GALNT18: variants seen among roughly 807,000 people sequenced by gnomAD.
The protein encoded by GALNT18 is polypeptide N-acetylgalactosaminyltransferase 18, also known as GalNAc-transferase 18.
Under a neutral mutation model 69.5 loss-of-function variants are expected in GALNT18, and 44 were observed. The observed-to-expected ratio is 0.63, with a 90% confidence interval of 0.50 to 0.81. The LOEUF is 0.81. GALNT18 is among the 40% of genes least tolerant of loss of function. GALNT18 has a pLI of 0.00. For missense variants in GALNT18, 715 were observed against 810.0 expected (o/e 0.88, Z 1.42); for synonymous variants, 364 against 318.2 (o/e 1.14, Z -1.53).
At chr11:11,559,110 T>C (rs548037705) in intron 1 of GALNT18, among the ~76,000 whole-genome samples, 7 of 152,362 alleles carry the variant, frequency 4.6e-5, no homozygotes, top group South Asian at 2.1e-4. Context: ...TTAGTTAATA[T>C]ACGTGAAATT....
At chr11:11,335,860 T>C (rs1428294170) in intron 7 of GALNT18, among the ~76,000 whole-genome samples, 1 of 152,082 alleles carries the variant, frequency 6.6e-6, no homozygotes, top group Non-Finnish European at 1.5e-5. Context: ...GGAAGGACTC[T>C]CCCCTCGAGA....
chr11:11,351,253 T>C (rs1850395979), intron 6 of GALNT18, among the ~76,000 whole-genome samples: 5 of 152,130 alleles, frequency 3.3e-5, no homozygotes, highest in Admixed American at 3.3e-4. Flanking sequence ...CGGGCTGCTG[T>C]GAGAGTTTGG....
rs749933464 is a variant in GALNT18, at chr11:11,413,321, T to G, written c.595+19300A>C. On this transcript the variant is annotated intron_variant, in intron 3 of 10. Transcript: ENST00000227756. This position sits in a 1 kb window ranked among gnomAD's most constrained non-coding sequence, Gnocchi z 4.7. ...CTGAGTGGCCCTGGAGGGGAAGCAA[T>G]AGTCTGGCCAAACATCCCTCTGGAG... Among the ~76,000 whole-genome samples, 4 of 152,176 alleles carry G rather than the reference T, an allele frequency of 2.6e-5. No homozygotes were observed. The highest frequency in any genetic ancestry group is 5.9e-5 in the Non-Finnish European group (4 of 68,008).
At position 11,546,252 on chromosome 11, in the gene GALNT18, G is replaced by A. The variant is rs143567675; in HGVS notation, c.235+75107C>T. ...AGACCCAACCATCCCATCTGCCTTC[G>A]TGGACACCCACTCCACCTCCACACC... On this transcript the variant is annotated intron_variant, in intron 1 of 10. Coordinates refer to ENST00000227756, the MANE Select transcript of GALNT18 (RefSeq NM_198516.3). The surrounding 1 kb of genome is among the most constrained non-coding windows in gnomAD (Gnocchi z 5.8). 7.4e-4 allele frequency among the ~76,000 whole-genome samples: 113 copies of A among 152,186 alleles called. No homozygotes were observed. The highest frequency in any genetic ancestry group is 2.6e-3 in the African/African-American group (107 of 41,504).
rs189117983 is a variant in GALNT18, at chr11:11,389,348, T to C, written c.596-10084A>G. Among the ~76,000 whole-genome samples the C allele has an allele frequency of 6.6e-6, 1 of 152,314 alleles. No individual in the cohort carries two copies. Among genetic ancestry groups the C allele is most frequent in the African/African-American group, 2.4e-5 (1 of 41,578 alleles). ...CTCTATTTGTCCACCTTGAGTAATT[T>C]AGCAAATGGGAATGAGAATAATGAA... On this transcript the variant is annotated intron_variant, in intron 3 of 10. Coordinates refer to ENST00000227756, the MANE Select transcript of GALNT18 (RefSeq NM_198516.3). The surrounding 1 kb of genome is among the most constrained non-coding windows in gnomAD (Gnocchi z 4.3).
At chr11:11,330,831 G>A (rs1036841239) in intron 8 of GALNT18, among the ~76,000 whole-genome samples, 6 of 152,202 alleles carry the variant, frequency 3.9e-5, no homozygotes, top group African/African-American at 1.2e-4. Flanking sequence ...CAGAATTGCA[G>A]TGGCCACATG....
intron 1 of GALNT18, among the ~76,000 whole-genome samples, chr11:11,568,587 G>C (rs1204919943): frequency 2.0e-5 from 3 of 152,086 alleles, no homozygotes; most frequent in Non-Finnish European, 2.9e-5. Flanking sequence ...TCCTCTCCTG[G>C]GGAGGCTCCA....
In GALNT18 at chr11:11,332,746, A is replaced by C; in HGVS notation, c.1364T>G (p.Val455Gly). The stretch of plus-strand genomic sequence containing the variant: ...CATCCTCATCTCTGGGTACACGCTG[A>C]CCAGGTACCACCGGAAGGTCTTGCA... The part of the protein sequence containing the change: ...LQCKTFRWYL[V>G]SVYPEMRMYS... Residue 455 changes from valine to glycine, a missense_variant, in exon 8 of 11, where the codon GTC (valine) becomes GGC (glycine). Transcript: ENST00000227756. This position sits in a 1 kb window ranked among gnomAD's most constrained non-coding sequence, Gnocchi z 4.3. 1 of 1,614,120 alleles carries C rather than the reference A, an allele frequency of 6.2e-7. No homozygotes were observed. Among genetic ancestry groups the C allele is most frequent in the Non-Finnish European group, 8.5e-7 (1 of 1,180,010 alleles).
chr11:11,390,678 T>C (rs1328889823), intron 3 of GALNT18, among the ~76,000 whole-genome samples: 1 of 152,208 alleles, frequency 6.6e-6, no homozygotes, highest in East Asian at 1.9e-4. Context: ...GAAGGACCTT[T>C]TTCTCTGCTT....
chr11:11,341,436 A>G lies in GALNT18; in HGVS notation c.1093-432T>C, dbSNP rs1321392430. ...CAGCAGAGACTTCCTCTTCAAATGGACCACATGGGCCTGGACAAGAATTAG... is the reference window on the plus strand; with the variant it reads ...CAGCAGAGACTTCCTCTTCAAATGGGCCACATGGGCCTGGACAAGAATTAG... On this transcript the variant is annotated intron_variant, in intron 6 of 10. Coordinates refer to ENST00000227756, the MANE Select transcript of GALNT18 (RefSeq NM_198516.3). This position sits in a 1 kb window ranked among gnomAD's most constrained non-coding sequence, Gnocchi z 6.3. Among the ~76,000 whole-genome samples the G allele has an allele frequency of 6.6e-6, 1 of 152,082 alleles. No homozygotes were observed. The highest frequency in any genetic ancestry group is 1.9e-4 in the East Asian group (1 of 5,150).
chr11:11,300,766 C>T (rs1007331610), intron 9 of GALNT18, among the ~76,000 whole-genome samples: 13 of 152,200 alleles, frequency 8.5e-5, no homozygotes, highest in African/African-American at 3.1e-4. Context: ...AGGCAGGGGT[C>T]TCCACCTTGG....
chr11:11,376,731 C>T (rs979092572), intron 5 of GALNT18, among the ~76,000 whole-genome samples: 1 of 152,174 alleles, frequency 6.6e-6, no homozygotes, highest in African/African-American at 2.4e-5. Context: ...TGTCCATTCC[C>T]CAACCTAGCC....
At chr11:11,368,650 GTCTT>G (rs1850826874) in intron 6 of GALNT18, among the ~76,000 whole-genome samples, 1 of 151,802 alleles carries the variant, frequency 6.6e-6, no homozygotes, top group African/African-American at 2.4e-5. Context: ...TTGAGCTTTT[GTCTT>G]TCTTACATTT....
At chr11:11,525,706 C>T (rs113539559) in intron 1 of GALNT18, among the ~76,000 whole-genome samples, 6,317 of 147,606 alleles carry the variant, frequency 0.043, 442 homozygotes, top group African/African-American at 0.15. Flanking sequence ...ACTATCTCAG[C>T]TCACCACAAC....
rs149699064 is a variant in GALNT18, at chr11:11,516,102, C to T, written c.236-67166G>A. Among the ~76,000 whole-genome samples the T allele has an allele frequency of 1.8e-4, 28 of 152,252 alleles. No homozygotes were observed. In the East Asian group the frequency reaches 5.0e-3, roughly 27 times the overall value. On this transcript the variant is annotated intron_variant, in intron 1 of 10. Coordinates refer to ENST00000227756, the MANE Select transcript of GALNT18 (RefSeq NM_198516.3). ...CAGTGAGATGGGCCGTCACCACAGCCGCCTTCTAGCCCCTGATCAGGCACA... is the reference window on the plus strand; with the variant it reads ...CAGTGAGATGGGCCGTCACCACAGCTGCCTTCTAGCCCCTGATCAGGCACA...
intron 3 of GALNT18, among the ~76,000 whole-genome samples, chr11:11,393,759 C>T (rs915520355): frequency 1.1e-4 from 16 of 152,232 alleles, no homozygotes; most frequent in South Asian, 2.1e-4. Context: ...CTTCTCACTG[C>T]GCCTTTCAGC....
chr11:11,334,268 C>G (rs112828871), intron 7 of GALNT18, among the ~76,000 whole-genome samples: 180 of 152,256 alleles, frequency 1.2e-3, no homozygotes, highest in Non-Finnish European at 2.2e-3. Flanking sequence ...AGGGGCCAGG[C>G]GCAGTGGCTC....
rs1396282511 is a variant in GALNT18 at position 11,480,266 on chromosome 11, T to TTCTCTCTCTCTC, written c.236-31342_236-31331dup. Among the ~76,000 whole-genome samples the TTCTCTCTCTCTC allele has an allele frequency of 6.6e-6, 1 of 151,390 alleles. No individual in the cohort carries two copies. The highest frequency in any genetic ancestry group is 1.5e-5 in the Non-Finnish European group (1 of 67,856). On this transcript the variant is annotated intron_variant, in intron 1 of 10. Coordinates refer to ENST00000227756, the MANE Select transcript of GALNT18 (RefSeq NM_198516.3). The surrounding 1 kb of genome is among the most constrained non-coding windows in gnomAD (Gnocchi z 4.6). ...TTCCTTCCTTCCTCTCTCTCTCTCTTTCTCTCTCTCTCGCCCCCCTCGCCC... is the reference window on the plus strand; with the variant it reads ...TTCCTTCCTTCCTCTCTCTCTCTCTTTCTCTCTCTCTCTCTCTCTCTCTCGCCCCCCTCGCCC...
At chr11:11,317,463 T>A (rs770351311) in intron 9 of GALNT18, among the ~76,000 whole-genome samples, 2 of 152,232 alleles carry the variant, frequency 1.3e-5, no homozygotes, top group Admixed American at 6.5e-5. Context: ...TCATGGTGGT[T>A]TTGATTTGCA....
Sources: allele counts gnomAD v4.1 joint callset (sites outside exome capture counted in the v4.1 genomes callset), GRCh38; gene constraint gnomAD v4.1.1; non-coding constraint Gnocchi (gnomAD v3.1); transcripts MANE v1.5; gene names NCBI Gene and HGNC (gene_info 2026-07-23, HGNC 2026-07-21).